The following ACVR1B variants were observed in gnomAD, a reference collection of about 807,000 sequenced individuals.
The protein encoded by ACVR1B is activin A receptor type 1B, also known as activin receptor type-1B.
ACVR1B carries 15 observed loss-of-function variants against 55.6 expected under a neutral mutation model. That is an observed-to-expected ratio of 0.27 (90% confidence interval 0.18 to 0.42). The LOEUF (loss-of-function observed/expected upper bound fraction) is 0.42. Among genes scored for constraint, ACVR1B ranks in the 10% least tolerant of loss-of-function variants. ACVR1B has a pLI of 1.00. For synonymous variants in ACVR1B, 247 were observed against 254.6 expected, an observed-to-expected ratio of 0.97 and a Z score of 0.28; for missense variants, 359 against 670.1, an observed-to-expected ratio of 0.54 and a Z score of 5.13.
At chr12:51,980,043 T>G (rs1207250790) in intron 3 of ACVR1B, among the ~76,000 whole-genome samples, 2 of 152,230 alleles carry the variant, frequency 1.3e-5, no homozygotes, top group African/African-American at 4.8e-5. Context: ...TCCTAGATTT[T>G]AAGCCCTGCT....
rs1230027103 is a variant in ACVR1B at position 51,995,515 on chromosome 12, A to C, written c.*1405A>C. On this transcript the variant is annotated 3_prime_UTR_variant, in exon 9 of 9. Coordinates refer to ENST00000257963, the MANE Select transcript of ACVR1B (RefSeq NM_004302.5). ...GTGATTTGGTCAGCATATCTTAGGT[A>C]TATAATAACTTTGAAGCCATAACTT... 1 of 152,546 alleles carries C rather than the reference A, an allele frequency of 6.6e-6. No homozygotes were observed. Among genetic ancestry groups the C allele is most frequent in the Non-Finnish European group, 1.5e-5 (1 of 68,022 alleles). 9.4% of individuals were successfully genotyped at this position (152,546 alleles called of 1,614,324 possible).
At chr12:51,978,593 G>A (rs573015250) in intron 3 of ACVR1B, among the ~76,000 whole-genome samples, 1 of 152,250 alleles carries the variant, frequency 6.6e-6, no homozygotes, top group South Asian at 2.1e-4. Context: ...ACTTTGGGAG[G>A]CTGAGGTGGG....
Position 51,975,821 on chromosome 12 carries a change from T to C in ACVR1B, c.331+317T>C, listed in dbSNP as rs1941839198. Reference sequence around the variant, plus strand: ...GATGTGGGACTGATCCAGAAAGAGATGGCCCCAGAGCCGAGCAAAGGTGAC... The same window carrying C: ...GATGTGGGACTGATCCAGAAAGAGACGGCCCCAGAGCCGAGCAAAGGTGAC... On this transcript the variant is annotated intron_variant, in intron 2 of 8. Coordinates refer to ENST00000257963, the MANE Select transcript of ACVR1B (RefSeq NM_004302.5). Among the ~76,000 whole-genome samples the C allele has an allele frequency of 2.0e-5, 3 of 152,116 alleles. No individual in the cohort carries two copies. In the South Asian group the frequency reaches 6.2e-4, roughly 32 times the overall value.
chr12:51,979,717 G>C (rs1255091406), intron 3 of ACVR1B, among the ~76,000 whole-genome samples: 2 of 152,112 alleles, frequency 1.3e-5, no homozygotes, highest in East Asian at 3.9e-4. Flanking sequence ...TCTAGGTAAG[G>C]GGCTTCTACT....
At chr12:51,979,783 C>T (rs1039600318) in intron 3 of ACVR1B, among the ~76,000 whole-genome samples, 3 of 151,984 alleles carry the variant, frequency 2.0e-5, no homozygotes, top group African/African-American at 7.2e-5. Flanking sequence ...GGAATTCTGG[C>T]AGTGGTGTGG....
At chr12:51,979,959 G>A (rs1427621875) in intron 3 of ACVR1B, among the ~76,000 whole-genome samples, 2 of 152,116 alleles carry the variant, frequency 1.3e-5, no homozygotes, top group South Asian at 2.1e-4. Context: ...ATGGAGAGGC[G>A]GGGGCTAATT....
At chr12:51,980,145 GC>G (rs1472429321) in intron 3 of ACVR1B, among the ~76,000 whole-genome samples, 2 of 152,078 alleles carry the variant, frequency 1.3e-5, no homozygotes, top group Non-Finnish European at 2.9e-5. Context: ...TGATAACAGC[GC>G]CTTACCTTCC....
chr12:51,985,116 C>G, intron 5 of ACVR1B, 76 bp from the exon 6 acceptor site: 3 of 1,458,598 alleles, frequency 2.1e-6, no homozygotes, highest in Non-Finnish European at 2.7e-6. Flanking sequence ...CAAACCTATA[C>G]AGTCTGGCTG....
chr12:51,975,925 A>G lies in ACVR1B; in HGVS notation c.332-402A>G, dbSNP rs568576313. Among the ~76,000 whole-genome samples the G allele has an allele frequency of 2.4e-3, 372 of 152,368 alleles. 1 individual carries two copies. The highest frequency in any genetic ancestry group is 3.0e-3 in the Non-Finnish European group (207 of 68,028). ...CCAGTGACCAAAGCCGAGAAACACC[A>G]CATACCATCCTTTTGCAAGCCTACC... is the stretch of plus-strand genomic sequence containing the variant. On this transcript the variant is annotated intron_variant, in intron 2 of 8. Transcript: ENST00000257963.
At chr12:51,988,712 C>T (rs1942128227) in intron 7 of ACVR1B, among the ~76,000 whole-genome samples, 1 of 152,170 alleles carries the variant, frequency 6.6e-6, no homozygotes, top group Non-Finnish European at 1.5e-5. Context: ...GGAAATTTGT[C>T]TAAGGTCACA....
At chr12:51,992,522 T>C (rs181111976) in intron 8 of ACVR1B, among the ~76,000 whole-genome samples, 1 of 152,194 alleles carries the variant, frequency 6.6e-6, no homozygotes, top group East Asian at 1.9e-4. Flanking sequence ...AGGACAAGGC[T>C]TTGTCTCCAA....
At chr12:51,969,910 A>T (rs1006438846) in intron 1 of ACVR1B, among the ~76,000 whole-genome samples, 23 of 152,158 alleles carry the variant, frequency 1.5e-4, no homozygotes, top group African/African-American at 4.3e-4. Context: ...AAAATTTTTT[A>T]AAAAGTCTTA....
At chr12:51,960,516 T>A (rs964996845) in intron 1 of ACVR1B, among the ~76,000 whole-genome samples, 1 of 152,162 alleles carries the variant, frequency 6.6e-6, no homozygotes, top group Non-Finnish European at 1.5e-5. Flanking sequence ...AATAAAAGCA[T>A]CTGATTTGCT....
At chr12:51,978,411 G>A (rs1466442654) in intron 3 of ACVR1B, among the ~76,000 whole-genome samples, 1 of 152,182 alleles carries the variant, frequency 6.6e-6, no homozygotes, top group Non-Finnish European at 1.5e-5. Flanking sequence ...AGCTTCCAAG[G>A]TGTTAGGTTT....
intron 1 of ACVR1B, among the ~76,000 whole-genome samples, chr12:51,965,813 C>T (rs560422830): frequency 2.6e-5 from 4 of 152,296 alleles, no homozygotes; most frequent in African/African-American, 7.2e-5. Context: ...TGGTTAAGAA[C>T]CCATCCTTAG....
intron 1 of ACVR1B, among the ~76,000 whole-genome samples, chr12:51,967,810 A>C (rs1941670947): frequency 6.6e-6 from 1 of 152,212 alleles, no homozygotes; most frequent in Non-Finnish European, 1.5e-5. Flanking sequence ...TAGTGTTGCT[A>C]AGCTAACAAG....
chr12:51,982,526 C>G (rs570594148), intron 4 of ACVR1B, among the ~76,000 whole-genome samples: 1 of 152,136 alleles, frequency 6.6e-6, no homozygotes, highest in Non-Finnish European at 1.5e-5. Context: ...TAGTGGCACC[C>G]GGAGCACAGA....
chr12:51,975,362 G>A lies in ACVR1B; in HGVS notation c.189G>A (p.Glu63=), dbSNP rs1378485288. 1 of 1,614,210 alleles carries A rather than the reference G, an allele frequency of 6.2e-7. No individual in the cohort carries two copies. Among genetic ancestry groups the A allele is most frequent in the Admixed American group, 1.7e-5 (1 of 60,030 alleles). Residue 63 remains glutamate (E), a synonymous_variant, in exon 2 of 9, where the codon GAG becomes GAA. Coordinates refer to ENST00000257963, the MANE Select transcript of ACVR1B (RefSeq NM_004302.5). The part of the protein sequence containing the change: ...MVSIFNLDGM[E]HHVRTCIPKV... ...CCATTTTCAATCTGGATGGGATGGA[G>A]CACCATGTGCGCACCTGCATCCCCA...
intron 1 of ACVR1B, among the ~76,000 whole-genome samples, chr12:51,966,917 T>C (rs971667524): frequency 6.6e-6 from 1 of 152,108 alleles, no homozygotes; most frequent in Non-Finnish European, 1.5e-5. Context: ...GATTGCAATA[T>C]CAATGACAAA....
Sources: gnomAD v4.1 joint callset for allele counts (sites outside exome capture counted in the v4.1 genomes callset) on GRCh38, gnomAD v4.1.1 for gene constraint, MANE v1.5 for transcripts, NCBI Gene and HGNC (gene_info 2026-07-23, HGNC 2026-07-21) for gene names.